Variants in EYA1 observed in about 807,000 individuals in gnomAD.
EYA1 encodes the protein protein phosphatase EYA1.
A neutral mutation model predicts 82.0 loss-of-function variants in EYA1; 16 were observed. That is an observed-to-expected ratio of 0.20 (90% CI 0.13 to 0.30). The LOEUF (loss-of-function observed/expected upper bound fraction) is 0.30, where lower values mean the gene tolerates loss of function less well. Ranked by LOEUF, EYA1 falls within the 10% of genes least tolerant of loss-of-function variation. EYA1 has a pLI of 1.00. For missense variants in EYA1, 633 were observed against 730.7 expected (o/e 0.87, Z 1.54); for synonymous variants, 261 against 264.4 (o/e 0.99, Z 0.12).
intron 17 of EYA1, chr8:71,199,982 GTTT>G (rs1484425751): frequency 6.4e-6 from 1 of 155,720 alleles, no homozygotes; most frequent in South Asian, 1.9e-4. Flanking sequence ...TTTGTTTTAG[GTTT>G]TTGCAGTTGT....
At chr8:71,230,509 G>A (rs563805050) in intron 12 of EYA1, among the ~76,000 whole-genome samples, 57 of 152,326 alleles carry the variant, frequency 3.7e-4, no homozygotes, top group African/African-American at 1.3e-3. Flanking sequence ...TCCAGATTCT[G>A]TTGTCTCCCT....
intron 2 of EYA1, among the ~76,000 whole-genome samples, chr8:71,474,125 C>T (rs568919435): frequency 6.6e-6 from 1 of 150,546 alleles, no homozygotes; most frequent in South Asian, 2.1e-4. Context: ...TGCAGCAAAC[C>T]ACCATGGCAC....
intron 9 of EYA1, among the ~76,000 whole-genome samples, chr8:71,283,523 G>A (rs920005569): frequency 4.7e-5 from 7 of 149,930 alleles, no homozygotes; most frequent in South Asian, 2.1e-4. Flanking sequence ...TCAGAGGCTC[G>A]TTAAACTTTT....
chr8:71,295,819 T>C (rs1819533919), intron 9 of EYA1, among the ~76,000 whole-genome samples: 1 of 152,152 alleles, frequency 6.6e-6, no homozygotes, highest in African/African-American at 2.4e-5. Flanking sequence ...GCAACCAAGA[T>C]GTCCTTCAAT....
At chr8:71,434,027 G>A (rs903411742) in intron 2 of EYA1, among the ~76,000 whole-genome samples, 1 of 152,184 alleles carries the variant, frequency 6.6e-6, no homozygotes. Context: ...TTCATGATGT[G>A]TTTTGTGGGT....
chr8:71,343,851 A>T (rs1306569135), intron 3 of EYA1, among the ~76,000 whole-genome samples: 1 of 152,210 alleles, frequency 6.6e-6, no homozygotes, highest in Non-Finnish European at 1.5e-5. Flanking sequence ...ATTTGTATAC[A>T]GTAAAAACTA....
At position 71,464,058 on chromosome 8, in the gene EYA1, G is replaced by C. The variant is rs4357323; in HGVS notation, c.33+71686C>G. Among the ~76,000 whole-genome samples the C allele has an allele frequency of 8.5e-4, 130 of 152,116 alleles. No homozygotes were observed. The East Asian group carries it at 0.015, about 17-fold the overall frequency. ...GAACCCACTAAACAGATTTTCCTTA[G>C]GTAGTTATTCATGTAACTTTCTACT... On this transcript the variant is annotated intron_variant, in intron 2 of 18. Coordinates refer to the EYA1 transcript ENST00000643681.
intron 9 of EYA1, among the ~76,000 whole-genome samples, chr8:71,272,341 G>A (rs1284983446): frequency 6.6e-6 from 1 of 152,032 alleles, no homozygotes; most frequent in African/African-American, 2.4e-5. Context: ...CAGCTCTCTG[G>A]GGCAGGGAAA....
intron 2 of EYA1, among the ~76,000 whole-genome samples, chr8:71,433,559 A>C (rs1805786298): frequency 6.6e-6 from 1 of 152,208 alleles, no homozygotes; most frequent in African/African-American, 2.4e-5. Flanking sequence ...AAGTCTTATC[A>C]AGGAAGTACT....
At chr8:71,417,706 A>G (rs1406174074) in intron 2 of EYA1, among the ~76,000 whole-genome samples, 1 of 152,172 alleles carries the variant, frequency 6.6e-6, no homozygotes, top group Non-Finnish European at 1.5e-5. Flanking sequence ...AGCCCTCTAT[A>G]ACAAAGAATG....
intron 8 of EYA1, 86 bp from the exon 9 acceptor site, chr8:71,299,319 G>C: frequency 7.2e-7 from 1 of 1,396,742 alleles, no homozygotes. Flanking sequence ...AAGTATGTTT[G>C]GGTTTCTGAG....
chr8:71,292,195 AG>A (rs1819077814), intron 9 of EYA1, among the ~76,000 whole-genome samples: 1 of 152,150 alleles, frequency 6.6e-6, no homozygotes. Context: ...ATATGACTTA[AG>A]CTTTTACGAT....
intron 4 of EYA1, among the ~76,000 whole-genome samples, chr8:71,329,372 C>T (rs1823545106): frequency 6.6e-6 from 1 of 152,178 alleles, no homozygotes; most frequent in Admixed American, 6.5e-5. Flanking sequence ...ATCTGGCAAA[C>T]CCTTGACCCT....
At chr8:71,217,207 A>G (rs1585821977) in intron 12 of EYA1, among the ~76,000 whole-genome samples, 184 bp from the exon 13 acceptor site, 2 of 152,312 alleles carry the variant, frequency 1.3e-5, no homozygotes, top group East Asian at 3.9e-4. Context: ...CTCTCCTGTA[A>G]GAAAGAAGCA....
chr8:71,198,499 T>C lies in EYA1; in HGVS notation c.*841A>G, dbSNP rs532364833. ...GAAAACTCAGATAAGGCACGGCACA[T>C]GAATTTGTGCACGTGCTGCCTCATG... On this transcript the variant is annotated 3_prime_UTR_variant, in exon 18 of 18. Coordinates refer to ENST00000340726, the MANE Select transcript of EYA1 (RefSeq NM_000503.6). 6.5e-6 allele frequency: 1 copy of C among 152,672 alleles called. No individual in the cohort carries two copies. Among genetic ancestry groups the C allele is most frequent in the East Asian group, 1.9e-4 (1 of 5,176 alleles). 9.5% of individuals were successfully genotyped at this position (152,672 alleles called of 1,614,324 possible). A position where few individuals can be genotyped will look rare whatever the true frequency, so the allele number is the denominator to read the frequency against.
intron 2 of EYA1, among the ~76,000 whole-genome samples, chr8:71,443,415 T>C (rs181578381): frequency 9.3e-4 from 142 of 152,252 alleles, no homozygotes; most frequent in African/African-American, 3.4e-3. Context: ...CCTTAGCCAC[T>C]TGGGTAAAGC....
At chr8:71,315,634 T>C (rs1380249891) in intron 7 of EYA1, among the ~76,000 whole-genome samples, 1 of 152,250 alleles carries the variant, frequency 6.6e-6, no homozygotes, top group African/African-American at 2.4e-5. Flanking sequence ...AGACCTTGTC[T>C]GCCTTATGAT....
intron 2 of EYA1, among the ~76,000 whole-genome samples, chr8:71,421,525 A>C (rs1831147734): frequency 6.6e-6 from 1 of 152,178 alleles, no homozygotes; most frequent in South Asian, 2.1e-4. Flanking sequence ...ATGGTGACAT[A>C]ATAGGATTTT....
At chr8:71,248,837 A>G (rs7006296) in intron 11 of EYA1, among the ~76,000 whole-genome samples, 17,041 of 152,270 alleles carry the variant, frequency 0.11, 1,042 homozygotes, top group Non-Finnish European at 0.13. Flanking sequence ...TGAACAGTTA[A>G]TAAATTACTC....
Sources: gnomAD v4.1 joint callset for allele counts (sites outside exome capture counted in the v4.1 genomes callset) on GRCh38, gnomAD v4.1.1 for gene constraint, MANE v1.5 for transcripts, NCBI Gene and HGNC (gene_info 2026-07-23, HGNC 2026-07-21) for gene names.